The following CDKL5 variants were observed in gnomAD, a reference collection of about 807,000 sequenced individuals.
The protein encoded by CDKL5 is cyclin dependent kinase like 5, also known as cyclin-dependent kinase-like 5.
In CDKL5, 8 loss-of-function variants were observed where a neutral mutation model predicts 61.7. The observed-to-expected ratio is 0.13, with a 90% CI of 0.08 to 0.23. The LOEUF (loss-of-function observed/expected upper bound fraction) is 0.23. Among genes scored for constraint, CDKL5 ranks in the 10% least tolerant of loss-of-function variants. CDKL5 has a pLI of 1.00. For missense variants in CDKL5, 440 were observed against 734.5 expected (o/e 0.60, Z 4.63); for synonymous variants, 275 against 272.3 (o/e 1.01, Z -0.10).
intron 4 of CDKL5, among the ~76,000 whole-genome samples, chrX:18,564,802 C>G (rs891519631): frequency 1.8e-5 from 2 of 110,517 alleles, no homozygotes; most frequent in South Asian, 3.8e-4. Context: ...AATCTTGCTC[C>G]AAAGGCTGGT....
At chrX:18,528,757 C>T (rs760234303) in intron 3 of CDKL5, among the ~76,000 whole-genome samples, 5 of 111,665 alleles carry the variant, frequency 4.5e-5, no homozygotes, top group Admixed American at 9.5e-5. Context: ...CCTCAGCCTT[C>T]TGTGTAGCTG....
chrX:18,611,157 G>A (rs1432722940), intron 14 of CDKL5, among the ~76,000 whole-genome samples: 2 of 111,605 alleles, frequency 1.8e-5, no homozygotes, highest in Non-Finnish European at 3.8e-5. Flanking sequence ...CTGGCCGGGC[G>A]CAGTGGCTCA....
At chrX:18,601,049 A>C (rs1040232324) in intron 11 of CDKL5, among the ~76,000 whole-genome samples, 2 of 111,898 alleles carry the variant, frequency 1.8e-5, no homozygotes, top group African/African-American at 6.5e-5. Flanking sequence ...AAGACTTCTC[A>C]GGACCATTTT....
intron 1 of CDKL5, among the ~76,000 whole-genome samples, chrX:18,484,862 G>A (rs1010452265): frequency 1.8e-5 from 2 of 109,992 alleles, no homozygotes; most frequent in African/African-American, 3.3e-5. Context: ...AGACTCAAGC[G>A]ATCCTTCTAC....
chrX:18,504,348 C>T (rs1922495556), intron 1 of CDKL5, among the ~76,000 whole-genome samples: 1 of 111,516 alleles, frequency 9.0e-6, no homozygotes, highest in African/African-American at 3.3e-5. Flanking sequence ...TCAAGCGATC[C>T]TTCTGCCTTG....
At chrX:18,479,804 T>C (rs1921482625) in intron 1 of CDKL5, among the ~76,000 whole-genome samples, 2 of 111,859 alleles carry the variant, frequency 1.8e-5, no homozygotes, top group Non-Finnish European at 3.8e-5. Flanking sequence ...CATTTTTTTC[T>C]GTGTTCTTCA....
At chrX:18,553,465 CGTGTGTGTGTGTGTGT>C (rs201802099) in intron 3 of CDKL5, among the ~76,000 whole-genome samples, 3 of 90,824 alleles carry the variant, frequency 3.3e-5, no homozygotes, top group Non-Finnish European at 4.5e-5. Flanking sequence ...TGTGTGTGTG[CGTGTGTGTGTGTGTGT>C]GTGTGTGTGT....
At position 18,583,639 on chromosome X, in the gene CDKL5, A is replaced by G. The variant is rs967720856; in HGVS notation, c.464-624A>G. 1.3e-4 allele frequency among the ~76,000 whole-genome samples: 14 copies of G among 111,594 alleles called. No homozygotes were observed. In the Admixed American group the frequency reaches 1.3e-3, roughly 11 times the overall value. ...GGTGATTAACTTATCCTCCTGCCTTATTTTGTGGCTATGCAGTAGCCCTAA... is the reference window on the plus strand; with the variant it reads ...GGTGATTAACTTATCCTCCTGCCTTGTTTTGTGGCTATGCAGTAGCCCTAA... On this transcript the variant is annotated intron_variant, in intron 7 of 17. Coordinates refer to ENST00000623535, the MANE Select transcript of CDKL5 (RefSeq NM_001323289.2).
intron 1 of CDKL5, among the ~76,000 whole-genome samples, chrX:18,449,559 C>T (rs1237423244): frequency 8.9e-6 from 1 of 112,255 alleles, no homozygotes; most frequent in Non-Finnish European, 1.9e-5. Context: ...GAATGTGCTA[C>T]ACTTGTGAAA....
chrX:18,635,426 G>A lies in CDKL5; in HGVS notation c.*6669G>A. On this transcript the variant is annotated 3_prime_UTR_variant, in exon 18 of 18. Transcript: ENST00000623535. ...GACTGCCAGGCCGTCCCAATCTTGA[G>A]CACTGTGGTCCTTCGTGTTTGAACT... is the stretch of plus-strand genomic sequence containing the variant. The A allele has an allele frequency of 1.3e-6, 1 of 754,152 alleles. No individual in the cohort carries two copies. Among genetic ancestry groups the A allele is most frequent in the Non-Finnish European group, 1.6e-6 (1 of 639,119 alleles). 62.2% of individuals were successfully genotyped at this position (754,152 alleles called of 1,213,427 possible). A position where few individuals can be genotyped will look rare whatever the true frequency, so the allele number is the denominator to read the frequency against.
At chrX:18,434,041 C>T (rs1005134725) in intron 1 of CDKL5, among the ~76,000 whole-genome samples, 2 of 111,685 alleles carry the variant, frequency 1.8e-5, no homozygotes, top group Non-Finnish European at 3.8e-5. Flanking sequence ...GGTACTGTAA[C>T]TGCCTTTTCC....
chrX:18,481,609 C>T (rs1921581472), intron 1 of CDKL5, among the ~76,000 whole-genome samples: 1 of 106,334 alleles, frequency 9.4e-6, no homozygotes, highest in South Asian at 4.3e-4. Flanking sequence ...GTGATCTGCC[C>T]GGCCTGTCTC....
chrX:18,569,932 G>A (rs753017568), intron 4 of CDKL5, among the ~76,000 whole-genome samples: 1 of 111,166 alleles, frequency 9.0e-6, no homozygotes, highest in East Asian at 2.8e-4. Flanking sequence ...CTTGCATTTC[G>A]TATTCTGCTG....
chrX:18,613,041 G>A, intron 14 of CDKL5, 111 bp from the exon 15 acceptor site: 1 of 626,307 alleles, frequency 1.6e-6, no homozygotes, highest in East Asian at 5.6e-5. Flanking sequence ...GCTGCACTGA[G>A]CCGAGATCAC....
chrX:18,540,812 C>T (rs1458822303), intron 3 of CDKL5, among the ~76,000 whole-genome samples: 2 of 108,956 alleles, frequency 1.8e-5, no homozygotes, highest in South Asian at 4.1e-4. Context: ...CTCAGCCTCC[C>T]GAGTAGCTGG....
intron 3 of CDKL5, among the ~76,000 whole-genome samples, chrX:18,522,914 G>A (rs1923306331): frequency 1.9e-5 from 2 of 104,696 alleles, no homozygotes; most frequent in Admixed American, 1.1e-4. Context: ...TCCTGGCTCA[G>A]TCCCCCATGC....
chrX:18,507,204 A>G (rs148366254), intron 2 of CDKL5, 44 bp downstream of exon 2: 1 of 889,175 alleles, frequency 1.1e-6, no homozygotes, highest in African/African-American at 2.0e-5. Context: ...AGCAATGAAC[A>G]GTTAGTTATT....
intron 15 of CDKL5, 57 bp from the exon 16 acceptor site, chrX:18,619,810 C>A: frequency 1.2e-6 from 1 of 808,929 alleles, no homozygotes; most frequent in Non-Finnish European, 1.8e-6. Flanking sequence ...ATATTTGTCA[C>A]ACAATGGCAA....
At chrX:18,550,337 C>T (rs1334536480) in intron 3 of CDKL5, among the ~76,000 whole-genome samples, 3 of 111,326 alleles carry the variant, frequency 2.7e-5, no homozygotes, top group African/African-American at 9.8e-5. Flanking sequence ...TGTAACCCCA[C>T]CCACATCCAT....
Sources: gnomAD v4.1 joint callset for allele counts (sites outside exome capture counted in the v4.1 genomes callset) on GRCh38, gnomAD v4.1.1 for gene constraint, MANE v1.5 for transcripts, NCBI Gene and HGNC (gene_info 2026-07-23, HGNC 2026-07-21) for gene names.